NDC1: variants seen among roughly 807,000 people sequenced by gnomAD.
The protein encoded by NDC1 is NDC1 transmembrane nucleoporin, also known as nucleoporin NDC1.
A neutral mutation model predicts 89.8 loss-of-function variants in NDC1; 24 were observed. That is an observed-to-expected ratio of 0.27 (90% CI 0.19 to 0.38). The LOEUF (loss-of-function observed/expected upper bound fraction) is 0.38. Among genes scored for constraint, NDC1 ranks in the 10% least tolerant of loss-of-function variants. NDC1 has a pLI of 1.00. For missense variants in NDC1, 728 were observed against 797.6 expected (o/e 0.91, Z 1.05); for synonymous variants, 296 against 284.8 (o/e 1.04, Z -0.39).
At chr1:53,829,591 A>G (rs1648984759) in intron 3 of NDC1, among the ~76,000 whole-genome samples, 1 of 152,210 alleles carries the variant, frequency 6.6e-6, no homozygotes, top group Admixed American at 6.5e-5. Flanking sequence ...CTCTGGAGAA[A>G]GATGGGACCT....
intron 6 of NDC1, among the ~76,000 whole-genome samples, chr1:53,813,998 G>C (rs1648396517): frequency 6.6e-6 from 1 of 152,160 alleles, no homozygotes; most frequent in Admixed American, 6.5e-5. Flanking sequence ...GCAAATACAT[G>C]GCAATTAAAT....
At chr1:53,773,716 A>T (rs1461623033) in intron 16 of NDC1, among the ~76,000 whole-genome samples, 2 of 152,146 alleles carry the variant, frequency 1.3e-5, no homozygotes, top group Admixed American at 1.3e-4. Flanking sequence ...CCCAAAGAAA[A>T]GTCTTCTAGT....
At chr1:53,805,401 T>A (rs140737360) in intron 9 of NDC1, among the ~76,000 whole-genome samples, 247 of 152,322 alleles carry the variant, frequency 1.6e-3, no homozygotes, top group African/African-American at 5.9e-3. Flanking sequence ...AGATGAGGTC[T>A]CCCTATGTTT....
intron 16 of NDC1, among the ~76,000 whole-genome samples, chr1:53,776,346 C>T (rs1471303589): frequency 6.6e-6 from 1 of 152,116 alleles, no homozygotes; most frequent in Admixed American, 6.6e-5. Flanking sequence ...CCACATGTAG[C>T]TATTGAGCAC....
chr1:53,828,911 C>T (rs1557590482), intron 3 of NDC1, among the ~76,000 whole-genome samples: 2 of 152,268 alleles, frequency 1.3e-5, no homozygotes, highest in South Asian at 2.1e-4. Context: ...CATGCCTGGC[C>T]TACTTTTTAA....
rs1349495065 is a variant in NDC1 at position 53,765,948 on chromosome 1, G to A, written c.*2022C>T. On this transcript the variant is annotated 3_prime_UTR_variant, in exon 18 of 18. Coordinates refer to ENST00000371429, the MANE Select transcript of NDC1 (RefSeq NM_018087.5). ...ACACCCTGGTTCCAACAGATGGTGT[G>A]TAGATTATCAACACACAATGAGAAA... is the stretch of plus-strand genomic sequence containing the variant. The A allele has an allele frequency of 6.6e-6, 1 of 152,088 alleles. No individual in the cohort carries two copies. Among genetic ancestry groups the A allele is most frequent in the Non-Finnish European group, 1.5e-5 (1 of 68,018 alleles). The allele number at this position is 152,088 out of a possible 1,614,324, so 9.4% of individuals were successfully genotyped here.
At chr1:53,798,920 G>A (rs956691884) in intron 11 of NDC1, among the ~76,000 whole-genome samples, 18 of 152,150 alleles carry the variant, frequency 1.2e-4, no homozygotes, top group Middle Eastern at 3.2e-3. Flanking sequence ...TAAAAATTAA[G>A]ACTGGAGTTT....
At chr1:53,770,479 G>C (rs1647103360) in intron 17 of NDC1, among the ~76,000 whole-genome samples, 1 of 151,788 alleles carries the variant, frequency 6.6e-6, no homozygotes, top group South Asian at 2.1e-4. Context: ...GCTAATTTTT[G>C]TATTTTTAGT....
intron 7 of NDC1, among the ~76,000 whole-genome samples, chr1:53,808,073 C>T (rs1206270731): frequency 6.6e-6 from 1 of 152,184 alleles, no homozygotes; most frequent in Non-Finnish European, 1.5e-5. Flanking sequence ...GCCTATAAGC[C>T]TCACTACGAG....
rs769467721 is a variant in NDC1 at position 53,819,024 on chromosome 1, C to A, written c.650G>T (p.Cys217Phe). The A allele has an allele frequency of 6.3e-7, 1 of 1,581,618 alleles. No individual in the cohort carries two copies. Among genetic ancestry groups the A allele is most frequent in the Non-Finnish European group, 8.6e-7 (1 of 1,168,204 alleles). The change falls in exon 6 of 18, where the codon TGT becomes TTT. Residue 217 changes from cysteine (C) to phenylalanine (F), a missense_variant. Physicochemically the swap from Cys to Phe is radical, Grantham distance 205. Transcript: ENST00000371429. The part of the protein sequence containing the change: ...RSLLLLVKHS[C>F]VESLFLVRNF... ...TCTAACCAGGAACAGTGATTCCACA[C>A]AACTGTGTTTAACTAATAAGAGCAG...
At chr1:53,830,921 T>C (rs1291809182) in intron 3 of NDC1, among the ~76,000 whole-genome samples, 1 of 150,048 alleles carries the variant, frequency 6.7e-6, no homozygotes, top group Non-Finnish European at 1.5e-5. Context: ...TCTGTTTCTC[T>C]CAAAAAAAAT....
intron 15 of NDC1, 105 bp downstream of exon 15, chr1:53,789,028 C>T (rs189347848): frequency 2.4e-4 from 176 of 719,818 alleles, no homozygotes; most frequent in African/African-American, 8.2e-4. Context: ...CGAATCTGTA[C>T]ATTCAAAGAC....
chr1:53,812,442 G>GA (rs1648341572), intron 6 of NDC1, among the ~76,000 whole-genome samples: 1 of 152,174 alleles, frequency 6.6e-6, no homozygotes. Context: ...GGAAACTTTG[G>GA]ATTCACTTTT....
intron 16 of NDC1, among the ~76,000 whole-genome samples, chr1:53,784,519 G>A (rs1013669575): frequency 3.3e-5 from 5 of 152,164 alleles, no homozygotes; most frequent in African/African-American, 4.8e-5. Flanking sequence ...CAGGCCGGGC[G>A]CAGTGGCTCA....
At chr1:53,837,002 C>T (rs1160509853) in intron 1 of NDC1, among the ~76,000 whole-genome samples, 3 of 152,162 alleles carry the variant, frequency 2.0e-5, no homozygotes, top group African/African-American at 7.2e-5. Context: ...CACTGTCAGC[C>T]AAGTGCGGTG....
At chr1:53,809,914 C>A (rs1323026153) in intron 6 of NDC1, among the ~76,000 whole-genome samples, 168 bp from the exon 7 acceptor site, 1 of 152,188 alleles carries the variant, frequency 6.6e-6, no homozygotes, top group Non-Finnish European at 1.5e-5. Context: ...TTAACACAGG[C>A]AGTCTTTGCT....
At chr1:53,808,801 A>G (rs774039846) in intron 7 of NDC1, among the ~76,000 whole-genome samples, 20 of 152,222 alleles carry the variant, frequency 1.3e-4, no homozygotes, top group Admixed American at 1.3e-4. Context: ...CTAGCAAGTA[A>G]GCAGAAGACA....
chr1:53,770,323 T>A (rs1008066779), intron 17 of NDC1, among the ~76,000 whole-genome samples: 1 of 152,178 alleles, frequency 6.6e-6, no homozygotes, highest in Non-Finnish European at 1.5e-5. Context: ...TTATTTATCT[T>A]TGAGGCAGGG....
At chr1:53,831,444 G>A (rs372133036) in intron 3 of NDC1, among the ~76,000 whole-genome samples, 7 of 151,818 alleles carry the variant, frequency 4.6e-5, no homozygotes, top group East Asian at 3.9e-4. Context: ...TTGGGAGGCC[G>A]AGGGCAGATC....
Sources: allele counts gnomAD v4.1 joint callset (sites outside exome capture counted in the v4.1 genomes callset), GRCh38; gene constraint gnomAD v4.1.1; transcripts MANE v1.5; gene names NCBI Gene and HGNC (gene_info 2026-07-23, HGNC 2026-07-21).